Variants in CXXC5 observed in about 807,000 individuals in gnomAD.
CXXC5 encodes the protein CXXC finger protein 5.
Under a neutral mutation model 17.6 loss-of-function variants are expected in CXXC5, and 2 were observed. The ratio of observed to expected loss-of-function variants is 0.11; its 90% CI spans 0.05 to 0.36. CXXC5 has a LOEUF of 0.36. Ranked by LOEUF, CXXC5 falls within the 10% of genes least tolerant of loss-of-function variation. The probability of loss-of-function intolerance (pLI) is 1.00; values close to 1 mark genes in which losing one functional copy is unlikely to be tolerated. For missense variants in CXXC5, 343 were observed against 458.3 expected, an observed-to-expected ratio of 0.75 and a Z score of 2.30; for synonymous variants, 171 against 193.0, an observed-to-expected ratio of 0.89 and a Z score of 0.94.
rs923571763 is a variant in CXXC5, at chr5:139,663,684, G to A, written c.-161+14839G>A. On this transcript the variant is annotated intron_variant, in intron 1 of 2. Transcript: ENST00000302517. This position sits in a 1 kb window ranked among gnomAD's most constrained non-coding sequence, Gnocchi z 4.2. ...TGAGAGAACCAGGGCCATGACCTGG[G>A]TTACCCAACACGCCTGGCCTGACTT... Among the ~76,000 whole-genome samples the A allele has an allele frequency of 1.3e-5, 2 of 152,170 alleles. No individual in the cohort carries two copies. Among genetic ancestry groups the A allele is most frequent in the Non-Finnish European group, 2.9e-5 (2 of 68,020 alleles).
intron 1 of CXXC5, among the ~76,000 whole-genome samples, chr5:139,673,706 G>A (rs1250088157): frequency 1.3e-5 from 2 of 152,088 alleles, no homozygotes; most frequent in African/African-American, 2.4e-5. Context: ...GCCAGGTGTG[G>A]TGGTGTGCGC....
At chr5:139,674,137 C>T (rs568652727) in intron 1 of CXXC5, among the ~76,000 whole-genome samples, 2 of 152,286 alleles carry the variant, frequency 1.3e-5, no homozygotes, top group African/African-American at 2.4e-5. Flanking sequence ...GATGTGTGCC[C>T]TGTGCTCTCC....
At chr5:139,669,610 C>T (rs1756335403) in intron 1 of CXXC5, among the ~76,000 whole-genome samples, 1 of 152,158 alleles carries the variant, frequency 6.6e-6, no homozygotes, top group Non-Finnish European at 1.5e-5. Flanking sequence ...TGTGGCCACA[C>T]TCATTTCATG....
intron 1 of CXXC5, among the ~76,000 whole-genome samples, chr5:139,677,563 G>C (rs1158657513): frequency 6.6e-6 from 1 of 152,196 alleles, no homozygotes; most frequent in Non-Finnish European, 1.5e-5. Context: ...AAACAGAGTT[G>C]TCCCTGTGAG....
chr5:139,667,406 C>A (rs2126782386), intron 1 of CXXC5, among the ~76,000 whole-genome samples: 1 of 152,348 alleles, frequency 6.6e-6, no homozygotes, highest in Non-Finnish European at 1.5e-5. Flanking sequence ...CATGGTATCT[C>A]CTGTCTATCC....
chr5:139,674,595 C>T (rs1250069749), intron 1 of CXXC5, among the ~76,000 whole-genome samples: 3 of 152,230 alleles, frequency 2.0e-5, no homozygotes, highest in African/African-American at 4.8e-5. Context: ...TGGTCAAACC[C>T]TGCCCTTGGT....
chr5:139,660,961 C>T (rs1339682718), intron 1 of CXXC5, among the ~76,000 whole-genome samples: 2 of 151,458 alleles, frequency 1.3e-5, no homozygotes, highest in South Asian at 2.1e-4. Flanking sequence ...CAAGATGACC[C>T]GATAGGCTTT....
At position 139,668,576 on chromosome 5, in the gene CXXC5, G is replaced by T. The variant is rs1182272412; in HGVS notation, c.-160-11788G>T. ...CCCAGAGCTGGCCGCGTTTCTCGGG[G>T]CGGGAGCCAGCTCTGCTCGCCTGGC... On this transcript the variant is annotated intron_variant, in intron 1 of 2. Transcript: ENST00000302517. This position sits in a 1 kb window ranked among gnomAD's most constrained non-coding sequence, Gnocchi z 4.1. 6.6e-6 allele frequency among the ~76,000 whole-genome samples: 1 copy of T among 152,198 alleles called. No homozygotes were observed. The highest frequency in any genetic ancestry group is 6.5e-5 in the Admixed American group (1 of 15,292).
chr5:139,662,987 C>A (rs1488886855), intron 1 of CXXC5, among the ~76,000 whole-genome samples: 3 of 152,192 alleles, frequency 2.0e-5, no homozygotes, highest in Admixed American at 2.0e-4. Flanking sequence ...CTCCACTAGA[C>A]CTGGCATTTT....
intron 1 of CXXC5, among the ~76,000 whole-genome samples, chr5:139,652,147 G>GGCGC (rs34430057): frequency 3.7e-5 from 5 of 136,546 alleles, no homozygotes; most frequent in South Asian, 2.6e-4. Flanking sequence ...CCTAGCCGCC[G>GGCGC]GCGCGCGCGC....
chr5:139,651,971 C>T (rs187860933), intron 1 of CXXC5, among the ~76,000 whole-genome samples: 3 of 152,222 alleles, frequency 2.0e-5, no homozygotes, highest in Admixed American at 6.5e-5. Flanking sequence ...TGTATCAAAC[C>T]CCACCCTTCT....
chr5:139,650,220 G>T (rs1755091359), intron 1 of CXXC5, among the ~76,000 whole-genome samples: 1 of 152,178 alleles, frequency 6.6e-6, no homozygotes, highest in Non-Finnish European at 1.5e-5. Flanking sequence ...CTCCCGCGAC[G>T]GGGGTCTGAA....
At chr5:139,659,630 T>G (rs1457342565) in intron 1 of CXXC5, 1 of 152,198 alleles carries the variant, frequency 6.6e-6, no homozygotes, top group Admixed American at 6.5e-5. Flanking sequence ...AGATGCTGTT[T>G]CATCGGTCGA....
chr5:139,675,995 GTGGCCCC>G (rs1756761471), intron 1 of CXXC5, among the ~76,000 whole-genome samples: 4 of 141,084 alleles, frequency 2.8e-5, no homozygotes. Flanking sequence ...TGCCAGGAAG[GTGGCCCC>G]AGGTATGAGT....
chr5:139,676,606 T>C (rs1756847168), intron 1 of CXXC5, among the ~76,000 whole-genome samples: 1 of 130,900 alleles, frequency 7.6e-6, no homozygotes, highest in Admixed American at 7.8e-5. Flanking sequence ...TCTCAGGCCT[T>C]GGGCTACACA....
At chr5:139,671,467 C>T (rs896481950) in intron 1 of CXXC5, among the ~76,000 whole-genome samples, 1 of 152,202 alleles carries the variant, frequency 6.6e-6, no homozygotes, top group African/African-American at 2.4e-5. Context: ...AGTGGCTGGG[C>T]CCCCACCCCC....
At chr5:139,651,305 G>A (rs1344119802) in intron 1 of CXXC5, 1 of 152,032 alleles carries the variant, frequency 6.6e-6, no homozygotes, top group Non-Finnish European at 1.5e-5. Flanking sequence ...CCGCGACAGA[G>A]CCTGTTGACT....
chr5:139,649,996 G>A (rs1755079017), intron 1 of CXXC5, among the ~76,000 whole-genome samples: 1 of 152,258 alleles, frequency 6.6e-6, no homozygotes, highest in African/African-American at 2.4e-5. Flanking sequence ...CGGAAAGCGA[G>A]TGACCCCGGT....
At position 139,681,280 on chromosome 5, in the gene CXXC5, A is replaced by G; in HGVS notation, c.757A>G (p.Ile253Val). 6.2e-7 allele frequency: 1 copy of G among 1,612,740 alleles called. No individual in the cohort carries two copies. The highest frequency in any genetic ancestry group is 8.5e-7 in the Non-Finnish European group (1 of 1,179,914). ...CATGCAGGGAGAGCTGGCCTCTGCC[A>G]TCAGCTCCGGCAAGAAGAAGCGGAA... ...YPMQGELASAISSGKKKRKRC... is the reference protein window; with the variant it reads ...YPMQGELASAVSSGKKKRKRC... Residue 253 changes from isoleucine to valine, a missense_variant, in exon 2 of 3, where the codon ATC becomes GTC. Ile to Val is a conservative substitution (Grantham distance 29). Around this residue, in one of 4 missense-constraint regions of CXXC5, gnomAD observed 297 missense variants for 363.4 expected, o/e 0.82. Transcript: ENST00000302517.
Sources: allele counts gnomAD v4.1 joint callset (sites outside exome capture counted in the v4.1 genomes callset), GRCh38; gene constraint gnomAD v4.1.1; regional missense constraint gnomAD v4.1.1; non-coding constraint Gnocchi (gnomAD v3.1); transcripts MANE v1.5; gene names NCBI Gene and HGNC (gene_info 2026-07-23, HGNC 2026-07-21).